NSUN7: variants seen among roughly 807,000 people sequenced by gnomAD.
NSUN7 encodes the protein NOP2/Sun RNA methyltransferase family member 7, also known as protein NSUN7.
NSUN7 carries 39 observed loss-of-function variants against 58.5 expected under a neutral mutation model. The ratio of observed to expected loss-of-function variants is 0.67; its 90% CI spans 0.52 to 0.87. NSUN7 has a LOEUF of 0.87. NSUN7 is among the 40% of genes least tolerant of loss of function. NSUN7 has a pLI of 0.00. For synonymous variants in NSUN7, 278 were observed against 303.7 expected, an observed-to-expected ratio of 0.92 and a Z score of 0.88; for missense variants, 765 against 844.1, an observed-to-expected ratio of 0.91 and a Z score of 1.16.
chr4:40,754,321 A>G (rs899203595), intron 2 of NSUN7, among the ~76,000 whole-genome samples: 1 of 151,814 alleles, frequency 6.6e-6, no homozygotes, highest in Non-Finnish European at 1.5e-5. Context: ...TAATTTTTGT[A>G]TTTTTAGTAG....
Position 40,775,967 on chromosome 4 carries a change from T to C in NSUN7, c.826-82T>C. ...GTCTCTAATATTACTATGAGGTACT[T>C]TCTTTTATGTAAAGCAAATAGAAGT... On this transcript the variant is annotated intron_variant, in intron 6 of 11. Coordinates refer to ENST00000381782, the MANE Select transcript of NSUN7 (RefSeq NM_024677.6). This position sits in a 1 kb window ranked among gnomAD's most constrained non-coding sequence, Gnocchi z 4.3. The C allele has an allele frequency of 1.2e-6, 1 of 848,220 alleles. No individual in the cohort carries two copies. Among genetic ancestry groups the C allele is most frequent in the East Asian group, 2.6e-5 (1 of 38,260 alleles). The allele number at this position is 848,220 out of a possible 1,614,324, so 52.5% of individuals were successfully genotyped here. A position where few individuals can be genotyped will look rare whatever the true frequency, so the allele number is the denominator to read the frequency against.
chr4:40,784,738 A>G (rs1742729438), intron 7 of NSUN7, among the ~76,000 whole-genome samples: 1 of 152,242 alleles, frequency 6.6e-6, no homozygotes, highest in South Asian at 2.1e-4. Flanking sequence ...AATGTACTCA[A>G]AAGAACCCCT....
intron 2 of NSUN7, among the ~76,000 whole-genome samples, chr4:40,752,756 C>T (rs1487015384): frequency 1.5e-4 from 2 of 13,050 alleles, no homozygotes; most frequent in African/African-American, 2.0e-3. Flanking sequence ...AAAAAATGCT[C>T]AGTTGAATTA....
At chr4:40,766,713 G>T (rs1271799828) in intron 4 of NSUN7, among the ~76,000 whole-genome samples, 4 of 152,072 alleles carry the variant, frequency 2.6e-5, no homozygotes, top group African/African-American at 9.7e-5. Flanking sequence ...ATCTGGTCCT[G>T]GAGTTTTTTT....
In NSUN7 at chr4:40,796,718, G is replaced by A. The variant is rs139136230; in HGVS notation, c.1283-2069G>A. On this transcript the variant is annotated intron_variant, in intron 9 of 11. Coordinates refer to ENST00000381782, the MANE Select transcript of NSUN7 (RefSeq NM_024677.6). ...AATGACAATTAACTCAAGAGGCCCC[G>A]ACTCCAGGTCATTCCTCATCTCCTA... Among the ~76,000 whole-genome samples the A allele has an allele frequency of 6.0e-3, 915 of 152,130 alleles. 9 individuals carry two copies. Among genetic ancestry groups the A allele is most frequent in the African/African-American group, 0.021 (865 of 41,504 alleles).
chr4:40,792,790 G>A lies in NSUN7; in HGVS notation c.1181-1585G>A, dbSNP rs183030106. Among the ~76,000 whole-genome samples, 7 of 152,002 alleles carry A rather than the reference G, an allele frequency of 4.6e-5. No homozygotes were observed. In the East Asian group the frequency reaches 1.4e-3, roughly 29 times the overall value. The stretch of plus-strand genomic sequence containing the variant: ...AGTTGTCGTATCCTGAAGTAAGCGG[G>A]CTTTTGAAGGAACCTGTACTCTGAG... On this transcript the variant is annotated intron_variant, in intron 8 of 11. Transcript: ENST00000381782.
chr4:40,780,800 T>C (rs56034739), intron 7 of NSUN7, among the ~76,000 whole-genome samples: 1,428 of 78,080 alleles, frequency 0.018, 45 homozygotes, highest in African/African-American at 0.047. Context: ...CACATATATA[T>C]ATATATATAT....
chr4:40,750,914 C>G lies in NSUN7; in HGVS notation c.221C>G (p.Pro74Arg), dbSNP rs746888195. The change falls in exon 2 of 12, where the codon CCC (proline) becomes CGC (arginine). Residue 74 changes from proline (P) to arginine (R), a missense_variant. Pro to Arg is a moderately radical substitution (Grantham distance 103). Coordinates refer to ENST00000381782, the MANE Select transcript of NSUN7 (RefSeq NM_024677.6). Reference sequence around the variant, plus strand: ...GTCTTAATCAAGTATGGGAATGAACCCCTGCGGTCCTTGTCCGAGTCTGAG... The same window carrying G: ...GTCTTAATCAAGTATGGGAATGAACGCCTGCGGTCCTTGTCCGAGTCTGAG... Reference protein sequence around the residue: ...QKVLIKYGNEPLRSLSESEDQ... With the variant: ...QKVLIKYGNERLRSLSESEDQ... 7 of 1,614,044 alleles carry G rather than the reference C, an allele frequency of 4.3e-6. No individual in the cohort carries two copies. The highest frequency in any genetic ancestry group is 5.9e-6 in the Non-Finnish European group (7 of 1,180,044).
rs191288109 is a variant in NSUN7, at chr4:40,763,769, C to T, written c.488+2468C>T. Reference sequence around the variant, plus strand: ...TAATTCACATCATGCTACTACCTGCCTTAACACATATTCTGGTTACATTGT... The same window carrying T: ...TAATTCACATCATGCTACTACCTGCTTTAACACATATTCTGGTTACATTGT... On this transcript the variant is annotated intron_variant, in intron 4 of 11. Coordinates refer to ENST00000381782, the MANE Select transcript of NSUN7 (RefSeq NM_024677.6). 2.0e-5 allele frequency among the ~76,000 whole-genome samples: 3 copies of T among 152,298 alleles called. No homozygotes were observed. The East Asian group carries it at 5.8e-4, about 29-fold the overall frequency.
chr4:40,808,109 GTT>G (rs5857747), intron 11 of NSUN7, among the ~76,000 whole-genome samples, 196 bp from the exon 12 acceptor site: 13 of 147,712 alleles, frequency 8.8e-5, no homozygotes, highest in Non-Finnish European at 1.6e-4. Flanking sequence ...GGAAGTTTAA[GTT>G]TTTTTTTTGT....
chr4:40,782,846 C>T (rs2154288165), intron 7 of NSUN7, among the ~76,000 whole-genome samples: 1 of 152,134 alleles, frequency 6.6e-6, no homozygotes. Flanking sequence ...CCAGCCTGGG[C>T]AACAAAGTGA....
At chr4:40,760,567 T>A in intron 3 of NSUN7, 75 bp downstream of exon 3, 1 of 1,268,288 alleles carries the variant, frequency 7.9e-7, no homozygotes, top group Non-Finnish European at 1.1e-6. Context: ...AGCCTTTAGA[T>A]TTAAATAGTT....
chr4:40,791,642 A>G (rs1743076598), intron 8 of NSUN7, among the ~76,000 whole-genome samples: 1 of 152,232 alleles, frequency 6.6e-6, no homozygotes, highest in Non-Finnish European at 1.5e-5. Flanking sequence ...ATTGAAAGGC[A>G]TATTAAATTG....
At chr4:40,757,901 T>TG (rs199793864) in intron 2 of NSUN7, among the ~76,000 whole-genome samples, 1,920 of 118,718 alleles carry the variant, frequency 0.016, 44 homozygotes, top group African/African-American at 0.061. Flanking sequence ...CCTATTCCTG[T>TG]TTTTGTTTGT....
chr4:40,756,750 C>T (rs950021016), intron 2 of NSUN7, among the ~76,000 whole-genome samples: 6 of 152,066 alleles, frequency 3.9e-5, no homozygotes, highest in African/African-American at 1.2e-4. Flanking sequence ...ATATGAAATG[C>T]ACTTAGAACA....
At chr4:40,781,839 A>G (rs577254165) in intron 7 of NSUN7, among the ~76,000 whole-genome samples, 20 of 152,364 alleles carry the variant, frequency 1.3e-4, no homozygotes, top group African/African-American at 3.4e-4. Flanking sequence ...AGAAAAAGAT[A>G]TGCTGTGTGT....
chr4:40,757,696 T>TATATATACATTG (rs1423645897), intron 2 of NSUN7, among the ~76,000 whole-genome samples: 1 of 132,706 alleles, frequency 7.5e-6, no homozygotes, highest in Non-Finnish European at 1.6e-5. Context: ...ACACTGTGTA[T>TATATATACATTG]ATATATACAT....
chr4:40,761,889 G>A (rs1741479296), intron 4 of NSUN7, among the ~76,000 whole-genome samples: 1 of 152,132 alleles, frequency 6.6e-6, no homozygotes, highest in African/African-American at 2.4e-5. Flanking sequence ...AAAGTAAATT[G>A]GTCAGTAAAT....
At chr4:40,780,623 AAGG>A (rs1742484284) in intron 7 of NSUN7, among the ~76,000 whole-genome samples, 1 of 151,554 alleles carries the variant, frequency 6.6e-6, no homozygotes, top group South Asian at 2.1e-4. Context: ...AGAAAAAAAA[AAGG>A]AGAGAAAGGG....
Sources: allele counts gnomAD v4.1 joint callset (sites outside exome capture counted in the v4.1 genomes callset), GRCh38; gene constraint gnomAD v4.1.1; non-coding constraint Gnocchi (gnomAD v3.1); transcripts MANE v1.5; gene names NCBI Gene and HGNC (gene_info 2026-07-23, HGNC 2026-07-21).